The following MAST4 variants were observed in gnomAD, a reference collection of about 807,000 sequenced individuals.
MAST4 encodes the protein microtubule associated serine/threonine kinase family member 4.
In MAST4, 89 loss-of-function variants were observed where a neutral mutation model predicts 162.7. The observed-to-expected ratio is 0.55, with a 90% confidence interval of 0.46 to 0.65. The LOEUF is 0.65. Ranked by LOEUF, MAST4 falls within the 30% of genes least tolerant of loss-of-function variation. MAST4 has a pLI of 0.00. For missense variants in MAST4, 3,153 were observed against 3,374.0 expected (o/e 0.93, Z 1.62); for synonymous variants, 1,479 against 1,361.1 (o/e 1.09, Z -1.91).
At chr5:66,849,173 G>C (rs1256873216) in intron 3 of MAST4, among the ~76,000 whole-genome samples, 1 of 152,146 alleles carries the variant, frequency 6.6e-6, no homozygotes, top group Non-Finnish European at 1.5e-5. Flanking sequence ...TCCATGTCTA[G>C]AGGCTGACCC....
chr5:67,054,551 A>G, intron 5 of MAST4, 59 bp downstream of exon 5: 1 of 1,409,846 alleles, frequency 7.1e-7, no homozygotes, highest in Non-Finnish European at 9.7e-7. Context: ...GTTTTTTAAA[A>G]TAATTAATGC....
intron 4 of MAST4, among the ~76,000 whole-genome samples, chr5:66,970,711 G>A (rs1401496414): frequency 6.6e-6 from 1 of 152,244 alleles, no homozygotes; most frequent in Non-Finnish European, 1.5e-5. Flanking sequence ...CAGCGGCTTA[G>A]TGTCCAGCAT....
At chr5:66,930,629 G>A (rs1742089016) in intron 4 of MAST4, 1 of 442,788 alleles carries the variant, frequency 2.3e-6, no homozygotes, top group Non-Finnish European at 4.7e-6. Context: ...ATGTCTCAAG[G>A]AATAAAAACT....
intron 1 of MAST4, among the ~76,000 whole-genome samples, chr5:66,605,933 A>G (rs1742852501): frequency 6.6e-6 from 1 of 152,228 alleles, no homozygotes; most frequent in Non-Finnish European, 1.5e-5. Context: ...CCTGAGGGCA[A>G]CCGTTTTAGA....
intron 1 of MAST4, among the ~76,000 whole-genome samples, chr5:66,711,940 C>G (rs1750523098): frequency 6.6e-6 from 1 of 152,096 alleles, no homozygotes; most frequent in Admixed American, 6.5e-5. Context: ...CCTGTAAAGT[C>G]TCTTGGCACA....
At chr5:66,911,550 C>A (rs1309699850) in intron 4 of MAST4, among the ~76,000 whole-genome samples, 6 of 61,118 alleles carry the variant, frequency 9.8e-5, no homozygotes, top group East Asian at 1.7e-3. Context: ...AACAAACAAA[C>A]AACAACAACC....
At chr5:66,702,861 T>C (rs749929685) in intron 1 of MAST4, among the ~76,000 whole-genome samples, 4 of 152,160 alleles carry the variant, frequency 2.6e-5, no homozygotes, top group African/African-American at 7.2e-5. Flanking sequence ...AACTTAACGT[T>C]CTGAGAGGAT....
At chr5:67,162,513 C>T (rs1325785167) in intron 27 of MAST4, 94 bp from the exon 28 acceptor site, 1 of 1,140,460 alleles carries the variant, frequency 8.8e-7, no homozygotes, top group Non-Finnish European at 1.3e-6. Flanking sequence ...CCCTGTCCCT[C>T]ACACGGAGTT....
intron 11 of MAST4, among the ~76,000 whole-genome samples, chr5:67,112,916 C>T (rs1766420412): frequency 6.6e-6 from 1 of 152,154 alleles, no homozygotes; most frequent in Admixed American, 6.5e-5. Context: ...AGCTCTCTTC[C>T]AGAGGCTACC....
chr5:66,653,995 G>A (rs1397928583), intron 1 of MAST4, among the ~76,000 whole-genome samples: 1 of 152,158 alleles, frequency 6.6e-6, no homozygotes, highest in East Asian at 1.9e-4. Flanking sequence ...GAATACTTGT[G>A]TTTTAAGAAA....
At chr5:67,029,369 CTTATGTT>C in intron 4 of MAST4, among the ~76,000 whole-genome samples, 1 of 152,094 alleles carries the variant, frequency 6.6e-6, no homozygotes, top group African/African-American at 2.4e-5. Context: ...CATCCTTATA[CTTATGTT>C]TCCCATAGGC....
intron 5 of MAST4, among the ~76,000 whole-genome samples, chr5:67,080,868 GAACA>G (rs1221063156): frequency 6.8e-6 from 1 of 148,118 alleles, no homozygotes; most frequent in Non-Finnish European, 1.5e-5. Flanking sequence ...AAACTGGTTT[GAACA>G]AACATGAGTA....
At chr5:67,063,476 A>G (rs1455365084) in intron 5 of MAST4, among the ~76,000 whole-genome samples, 1 of 152,162 alleles carries the variant, frequency 6.6e-6, no homozygotes, top group Non-Finnish European at 1.5e-5. Context: ...CATTGTTCAT[A>G]TTTCCCTAAT....
chr5:66,885,945 A>C (rs1452108805), intron 3 of MAST4, among the ~76,000 whole-genome samples: 1 of 152,198 alleles, frequency 6.6e-6, no homozygotes, highest in African/African-American at 2.4e-5. Flanking sequence ...TTACTTTTCT[A>C]GATGCTTTAC....
intron 1 of MAST4, among the ~76,000 whole-genome samples, chr5:66,741,312 A>G (rs1328879048): frequency 6.6e-6 from 1 of 152,200 alleles, no homozygotes; most frequent in Non-Finnish European, 1.5e-5. Flanking sequence ...TGAAGAAAGG[A>G]ACTTTGTTCT....
At chr5:66,601,640 G>A (rs1434341667) in intron 1 of MAST4, among the ~76,000 whole-genome samples, 5 of 152,140 alleles carry the variant, frequency 3.3e-5, no homozygotes, top group African/African-American at 1.2e-4. Context: ...CTTGAAGCAG[G>A]AGAGAGCATG....
chr5:66,881,589 T>C (rs1761698491), intron 3 of MAST4, among the ~76,000 whole-genome samples: 1 of 152,254 alleles, frequency 6.6e-6, no homozygotes, highest in African/African-American at 2.4e-5. Flanking sequence ...CGGTGAATTA[T>C]AATTTGTTGA....
chr5:66,648,034 ATG>A (rs745965169), intron 1 of MAST4, among the ~76,000 whole-genome samples: 15,077 of 118,292 alleles, frequency 0.13, 993 homozygotes, highest in Non-Finnish European at 0.16. Flanking sequence ...GTGTTAGGTA[ATG>A]TGTGTGTGTG....
chr5:66,869,338 T>C (rs939338472), intron 3 of MAST4, among the ~76,000 whole-genome samples: 2 of 152,204 alleles, frequency 1.3e-5, no homozygotes, highest in African/African-American at 4.8e-5. Flanking sequence ...TCTATGGAAA[T>C]GGGAAGACAT....
Sources: gnomAD v4.1 joint callset for allele counts (sites outside exome capture counted in the v4.1 genomes callset) on GRCh38, gnomAD v4.1.1 for gene constraint, MANE v1.5 for transcripts, NCBI Gene and HGNC (gene_info 2026-07-23, HGNC 2026-07-21) for gene names.